Variants in CALN1 observed in about 807,000 individuals in gnomAD.
CALN1 encodes the protein calcium-binding protein 8.
CALN1 carries 17 observed loss-of-function variants against 30.6 expected under a neutral mutation model. That is an observed-to-expected ratio of 0.56 (90% CI 0.38 to 0.83). The LOEUF is 0.83. Ranked by LOEUF, CALN1 falls within the 40% of genes least tolerant of loss-of-function variation. The pLI is 0.00. For synonymous variants in CALN1, 156 were observed against 131.4 expected (o/e 1.19, Z -1.28); for missense variants, 291 against 354.9 (o/e 0.82, Z 1.45).
intron 5 of CALN1, among the ~76,000 whole-genome samples, chr7:71,908,048 GT>G (rs1794236277): frequency 6.6e-6 from 1 of 152,172 alleles, no homozygotes; most frequent in East Asian, 1.9e-4. Context: ...TAGCTTTCGG[GT>G]TATTGCTCCA....
At chr7:72,265,435 A>G (rs1048882025) in intron 3 of CALN1, among the ~76,000 whole-genome samples, 1 of 152,176 alleles carries the variant, frequency 6.6e-6, no homozygotes, top group African/African-American at 2.4e-5. Flanking sequence ...AGGAGAAACA[A>G]TAGTGTCAGT....
chr7:71,876,007 G>T (rs1307077714), intron 5 of CALN1, among the ~76,000 whole-genome samples: 1 of 152,142 alleles, frequency 6.6e-6, no homozygotes, highest in African/African-American at 2.4e-5. Flanking sequence ...TTTATCAGAT[G>T]AGAGGTTTGG....
intron 3 of CALN1, among the ~76,000 whole-genome samples, chr7:72,237,049 A>G (rs1794518355): frequency 7.9e-6 from 1 of 126,168 alleles, no homozygotes; most frequent in Non-Finnish European, 1.7e-5. Context: ...CAATGGTGCA[A>G]TCTCAGCTCA....
chr7:72,136,338 C>T (rs528209960), intron 3 of CALN1, among the ~76,000 whole-genome samples: 1 of 152,244 alleles, frequency 6.6e-6, no homozygotes, highest in East Asian at 1.9e-4. Flanking sequence ...ACCTCATGAA[C>T]CAACCTTTGC....
At chr7:71,947,076 T>C (rs1796442766) in intron 5 of CALN1, among the ~76,000 whole-genome samples, 1 of 152,078 alleles carries the variant, frequency 6.6e-6, no homozygotes, top group Non-Finnish European at 1.5e-5. Flanking sequence ...AGTGGCGTGA[T>C]TTCGGCTCAA....
intron 5 of CALN1, among the ~76,000 whole-genome samples, chr7:71,937,406 A>G (rs1418364559): frequency 6.9e-6 from 1 of 145,462 alleles, no homozygotes; most frequent in Non-Finnish European, 1.5e-5. Context: ...ATTTACATAT[A>G]CAGACACATA....
At chr7:71,923,840 T>C (rs1795112481) in intron 5 of CALN1, among the ~76,000 whole-genome samples, 1 of 152,100 alleles carries the variant, frequency 6.6e-6, no homozygotes, top group Admixed American at 6.6e-5. Context: ...ATTTTTAAAA[T>C]GTCACCCATG....
At chr7:71,983,752 G>A (rs373852203) in intron 5 of CALN1, among the ~76,000 whole-genome samples, 7 of 152,142 alleles carry the variant, frequency 4.6e-5, no homozygotes, top group African/African-American at 7.2e-5. Context: ...GGCTGGTCTC[G>A]CACTCCTGAC....
chr7:72,424,009 A>G (rs1187417156), intron 1 of CALN1, among the ~76,000 whole-genome samples: 3 of 139,282 alleles, frequency 2.2e-5, no homozygotes, highest in Admixed American at 7.2e-5. Flanking sequence ...GAAGGAAGGA[A>G]GGAGGGAGGG....
At chr7:71,936,397 C>T (rs1161227722) in intron 5 of CALN1, among the ~76,000 whole-genome samples, 2 of 122,608 alleles carry the variant, frequency 1.6e-5, no homozygotes, top group African/African-American at 6.5e-5. Flanking sequence ...GAGACTCAGT[C>T]TCAAAAAAAA....
At chr7:72,477,406 T>G in the CALN1 span, among the ~76,000 whole-genome samples, 1 of 152,068 alleles carries the variant, frequency 6.6e-6, no homozygotes, top group Non-Finnish European at 1.5e-5. Flanking sequence ...GGCCGCCACC[T>G]TCTCCTTACC....
intron 3 of CALN1, among the ~76,000 whole-genome samples, chr7:72,166,546 A>G (rs1031854816): frequency 2.0e-5 from 3 of 152,234 alleles, no homozygotes; most frequent in African/African-American, 7.2e-5. Flanking sequence ...CTGTTCATCA[A>G]TATTTCTATT....
At chr7:72,164,877 T>C (rs1018695246) in intron 3 of CALN1, among the ~76,000 whole-genome samples, 2 of 152,130 alleles carry the variant, frequency 1.3e-5, no homozygotes, top group African/African-American at 4.8e-5. Context: ...TTGTTTTTTG[T>C]AGAGACAGGG....
chr7:72,034,953 T>C (rs2129532772), intron 4 of CALN1, among the ~76,000 whole-genome samples: 1 of 152,094 alleles, frequency 6.6e-6, no homozygotes, highest in East Asian at 1.9e-4. Flanking sequence ...GAATATATAG[T>C]CTGATTTCTC....
chr7:72,374,794 G>A (rs943217390), intron 2 of CALN1, among the ~76,000 whole-genome samples: 1 of 152,088 alleles, frequency 6.6e-6, no homozygotes, highest in Non-Finnish European at 1.5e-5. Flanking sequence ...CTAAGCATGA[G>A]GTTATTTAAC....
chr7:71,932,521 A>C (rs1023623088), intron 5 of CALN1, among the ~76,000 whole-genome samples: 3 of 152,118 alleles, frequency 2.0e-5, no homozygotes, highest in African/African-American at 7.2e-5. Context: ...CTTGACTATA[A>C]GAAGTATATG....
chr7:72,374,731 T>G (rs186830283), intron 2 of CALN1, among the ~76,000 whole-genome samples: 1 of 152,132 alleles, frequency 6.6e-6, no homozygotes, highest in South Asian at 2.1e-4. Context: ...ATATCCAAAA[T>G]TGTTCTGGAG....
intron 1 of CALN1, among the ~76,000 whole-genome samples, chr7:72,436,711 C>A (rs1476870190): frequency 2.0e-5 from 3 of 152,068 alleles, no homozygotes; most frequent in African/African-American, 7.2e-5. Context: ...GGGCACACCC[C>A]CTCTTAAATA....
intron 5 of CALN1, among the ~76,000 whole-genome samples, chr7:71,889,877 A>C (rs1793136529): frequency 6.6e-6 from 1 of 152,066 alleles, no homozygotes; most frequent in African/African-American, 2.4e-5. Flanking sequence ...AGGCAGGAGA[A>C]TCATTTGAAC....
Sources: allele counts gnomAD v4.1 joint callset (sites outside exome capture counted in the v4.1 genomes callset), GRCh38; gene constraint gnomAD v4.1.1; transcripts MANE v1.5; gene names NCBI Gene and HGNC (gene_info 2026-07-23, HGNC 2026-07-21).